LPP: variants seen among roughly 807,000 people sequenced by gnomAD.
LPP encodes the protein lipoma-preferred partner.
In LPP, 38 loss-of-function variants were observed where a neutral mutation model predicts 60.4. That is an observed-to-expected ratio of 0.63 (90% CI 0.49 to 0.83). The LOEUF (loss-of-function observed/expected upper bound fraction) is 0.83. LPP is among the 40% of genes least tolerant of loss of function. The probability of loss-of-function intolerance (pLI) is 0.00; values close to 1 mark genes in which losing one functional copy is unlikely to be tolerated. For missense variants in LPP, 902 were observed against 783.6 expected, an observed-to-expected ratio of 1.15 and a Z score of -1.80; for synonymous variants, 328 against 290.8, an observed-to-expected ratio of 1.13 and a Z score of -1.30.
chr3:188,660,330 T>G (rs1854296064), intron 7 of LPP, among the ~76,000 whole-genome samples: 1 of 152,220 alleles, frequency 6.6e-6, no homozygotes, highest in Admixed American at 6.5e-5. Context: ...GCCAATTCTT[T>G]GCAGAAGGTG....
rs13087827 is a variant in LPP, at chr3:188,348,887, G to A, written c.-10+7168G>A. ...ACCATGCCTTGAGATAGCGGGGTCCGGGGGGCGGGGATGCTGTGAAGTCAC... is the reference window on the plus strand; with the variant it reads ...ACCATGCCTTGAGATAGCGGGGTCCAGGGGGCGGGGATGCTGTGAAGTCAC... On this transcript the variant is annotated intron_variant, in intron 3 of 11. Transcript: ENST00000617246. Among the ~76,000 whole-genome samples, 372 of 152,194 alleles carry A rather than the reference G, an allele frequency of 2.4e-3. 4 individuals carry two copies. Among genetic ancestry groups the A allele is most frequent in the African/African-American group, 8.4e-3 (347 of 41,514 alleles).
chr3:188,230,686 T>C lies in LPP; in HGVS notation c.-67+5159T>C, dbSNP rs183194016. 4.3e-3 allele frequency among the ~76,000 whole-genome samples: 654 copies of C among 151,672 alleles called. 8 individuals carry two copies. The highest frequency in any genetic ancestry group is 0.015 in the African/African-American group (620 of 41,336). ...TACTCGGGAGGCTGAGGCAGGAGAA[T>C]TGCTTGAACCCAGGAGGCGGAGGTT... is the stretch of plus-strand genomic sequence containing the variant. On this transcript the variant is annotated intron_variant, in intron 2 of 11. Transcript: ENST00000617246.
At chr3:188,772,630 G>C (rs1472370420) in intron 9 of LPP, among the ~76,000 whole-genome samples, 2 of 152,094 alleles carry the variant, frequency 1.3e-5, no homozygotes, top group African/African-American at 4.8e-5. Context: ...GAGTAGCTGG[G>C]ACTACAGGTG....
intron 4 of LPP, among the ~76,000 whole-genome samples, chr3:188,419,350 A>G (rs1326564173): frequency 6.6e-6 from 1 of 152,182 alleles, no homozygotes; most frequent in African/African-American, 2.4e-5. Context: ...AACAATATAA[A>G]GCTTTACTGT....
At chr3:188,841,540 C>T (rs533051268) in intron 9 of LPP, among the ~76,000 whole-genome samples, 2 of 152,052 alleles carry the variant, frequency 1.3e-5, no homozygotes, top group African/African-American at 4.8e-5. Context: ...TACAGGTGTG[C>T]AACACCACGC....
chr3:188,272,519 T>G (rs1177610509), intron 2 of LPP, among the ~76,000 whole-genome samples: 1 of 152,192 alleles, frequency 6.6e-6, no homozygotes, highest in Non-Finnish European at 1.5e-5. Flanking sequence ...TGTGTGACAT[T>G]CATCTTTACT....
chr3:188,729,049 G>A (rs760866218), intron 8 of LPP, among the ~76,000 whole-genome samples: 2 of 152,120 alleles, frequency 1.3e-5, no homozygotes, highest in African/African-American at 2.4e-5. Context: ...AGAGCTCTAG[G>A]AAAAACCTCC....
intron 6 of LPP, among the ~76,000 whole-genome samples, chr3:188,535,801 A>G (rs1002283977): frequency 2.6e-5 from 4 of 152,196 alleles, no homozygotes; most frequent in East Asian, 3.9e-4. Flanking sequence ...AGAAAGAAAT[A>G]TCAACTCTTT....
intron 6 of LPP, among the ~76,000 whole-genome samples, chr3:188,558,876 C>A (rs750342149): frequency 6.6e-6 from 1 of 152,054 alleles, no homozygotes; most frequent in Non-Finnish European, 1.5e-5. Context: ...ATGTGTATGA[C>A]TCAGCTTTTG....
At position 188,763,485 on chromosome 3, in the gene LPP, G is replaced by T. The variant is rs1733081163; in HGVS notation, c.1410+3203G>T. Among the ~76,000 whole-genome samples, 5 of 152,140 alleles carry T rather than the reference G, an allele frequency of 3.3e-5. No individual in the cohort carries two copies. In the South Asian group the frequency reaches 1.0e-3, roughly 32 times the overall value. ...GTAATGTCTGCAGCTTTGGTTCAAT[G>T]ATTTTTAATATTTTCCTGTGGTTTA... is the stretch of plus-strand genomic sequence containing the variant. On this transcript the variant is annotated intron_variant, in intron 9 of 11. Transcript: ENST00000617246.
intron 2 of LPP, among the ~76,000 whole-genome samples, chr3:188,318,753 C>CTTTTTTTTTTTTTTTTTTTTTT (rs10708836): frequency 8.3e-5 from 8 of 96,838 alleles, no homozygotes; most frequent in African/African-American, 1.5e-4. Context: ...AATTATGATT[C>CTTTTTTTTTTTTTTTTTTTTTT]TTTTTTTTTT....
At chr3:188,518,740 C>T (rs191242201) in intron 5 of LPP, among the ~76,000 whole-genome samples, 299 of 152,148 alleles carry the variant, frequency 2.0e-3, no homozygotes, top group African/African-American at 6.8e-3. Context: ...TTGAGTATGA[C>T]GCTGGGCATT....
At chr3:188,547,612 G>A (rs1395180950) in intron 6 of LPP, among the ~76,000 whole-genome samples, 2 of 152,126 alleles carry the variant, frequency 1.3e-5, no homozygotes, top group African/African-American at 2.4e-5. Context: ...CTTGGCATTT[G>A]CGATTTAATT....
chr3:188,790,954 G>C (rs1162569584), intron 9 of LPP, among the ~76,000 whole-genome samples: 5 of 150,234 alleles, frequency 3.3e-5, no homozygotes. Context: ...AAACGCTTTA[G>C]AAAAACACTT....
chr3:188,350,136 C>T (rs796243669), intron 3 of LPP, among the ~76,000 whole-genome samples: 2 of 152,264 alleles, frequency 1.3e-5, no homozygotes, highest in African/African-American at 2.4e-5. Context: ...CTCAGACCAA[C>T]GTGACTTAGT....
chr3:188,503,626 G>T (rs1053365664), intron 5 of LPP, among the ~76,000 whole-genome samples: 13 of 148,398 alleles, frequency 8.8e-5, no homozygotes, highest in African/African-American at 2.2e-4. Flanking sequence ...CAGTAATAAA[G>T]AACTCTCTCA....
chr3:188,174,228 A>G (rs991392767), intron 1 of LPP, among the ~76,000 whole-genome samples: 6 of 152,268 alleles, frequency 3.9e-5, no homozygotes, highest in Admixed American at 6.5e-5. Context: ...GTGTTTGAGT[A>G]TCTGATAAGC....
chr3:188,679,306 C>T (rs1858868802), intron 7 of LPP, among the ~76,000 whole-genome samples: 1 of 152,074 alleles, frequency 6.6e-6, no homozygotes, highest in South Asian at 2.1e-4. Flanking sequence ...AAATTGTGAA[C>T]ATTCATGGAA....
chr3:188,749,902 T>C (rs991073741), intron 8 of LPP, among the ~76,000 whole-genome samples: 4 of 152,246 alleles, frequency 2.6e-5, no homozygotes, highest in African/African-American at 9.6e-5. Context: ...GGACAAAATC[T>C]TTTATTAGTC....
Sources: allele counts gnomAD v4.1 joint callset (sites outside exome capture counted in the v4.1 genomes callset), GRCh38; gene constraint gnomAD v4.1.1; transcripts MANE v1.5; gene names NCBI Gene and HGNC (gene_info 2026-07-23, HGNC 2026-07-21).